Variants in UBE2M observed in about 807,000 individuals in gnomAD.
UBE2M encodes ubiquitin conjugating enzyme E2 M.
In UBE2M, 2 loss-of-function variants were observed where a neutral mutation model predicts 23.5. The ratio of observed to expected loss-of-function variants is 0.09; its 90% CI spans 0.03 to 0.27. The LOEUF (loss-of-function observed/expected upper bound fraction) is 0.27, where lower values mean the gene tolerates loss of function less well. UBE2M is among the 10% of genes least tolerant of loss of function. UBE2M has a pLI of 1.00. For missense variants in UBE2M, 103 were observed against 232.9 expected (o/e 0.44, Z 3.63); for synonymous variants, 97 against 95.2 (o/e 1.02, Z -0.11).
At chr19:58,557,911 G>A (rs1229293367) in intron 1 of UBE2M, among the ~76,000 whole-genome samples, 2 of 151,514 alleles carry the variant, frequency 1.3e-5, no homozygotes, top group African/African-American at 2.4e-5. Context: ...CCAACCCCTG[G>A]CCTCTACTAT....
At position 58,556,899 on chromosome 19, in the gene UBE2M, C is replaced by G. The variant is rs2053894930; in HGVS notation, c.236G>C (p.Ser79Thr). The change falls in exon 3 of 6, where the codon AGT (serine) becomes ACT (threonine). Residue 79 changes from serine to threonine, a missense_variant. Coordinates refer to ENST00000253023, the MANE Select transcript of UBE2M (RefSeq NM_003969.4). This position sits in a 1 kb window ranked among gnomAD's most constrained non-coding sequence, Gnocchi z 4.9. ...TGCCCGCCTGGGACTCACCTTAAAACTGAACACAAACTTCCCACTCTTGTA... is the reference window on the plus strand; with the variant it reads ...TGCCCGCCTGGGACTCACCTTAAAAGTGAACACAAACTTCCCACTCTTGTA... Reference protein sequence around the residue: ...GFYKSGKFVFSFKVGQGYPHD... With the variant: ...GFYKSGKFVFTFKVGQGYPHD... 1 of 1,613,942 alleles carries G rather than the reference C, an allele frequency of 6.2e-7. No individual in the cohort carries two copies. The highest frequency in any genetic ancestry group is 1.7e-5 in the Admixed American group (1 of 59,988).
chr19:58,557,552 C>G (rs1332844076), intron 1 of UBE2M, among the ~76,000 whole-genome samples: 1 of 151,940 alleles, frequency 6.6e-6, no homozygotes, highest in East Asian at 1.9e-4. Flanking sequence ...ACTCAAAGAT[C>G]CTGCCCACCC....
intron 1 of UBE2M, among the ~76,000 whole-genome samples, 161 bp from the exon 2 acceptor site, chr19:58,557,318 G>C (rs1341306636): frequency 1.3e-5 from 2 of 151,836 alleles, no homozygotes; most frequent in African/African-American, 2.4e-5. Flanking sequence ...CACACCTCCA[G>C]CCCTCTCCCT....
Position 58,555,968 on chromosome 19 carries a change from A to G in UBE2M, c.*121T>C. 1 of 1,389,670 alleles carries G rather than the reference A, an allele frequency of 7.2e-7. No homozygotes were observed. The highest frequency in any genetic ancestry group is 9.5e-7 in the Non-Finnish European group (1 of 1,047,750). 86.1% of individuals were successfully genotyped at this position (1,389,670 alleles called of 1,614,324 possible). ...GGGGCACGTGGCAGGAAGGGGAGGC[A>G]AGGCCAAGGCAGGGGATTCCCCCAC... On this transcript the variant is annotated 3_prime_UTR_variant, in exon 6 of 6. Transcript: ENST00000253023.
Position 58,557,129 on chromosome 19 carries a change from C to T in UBE2M, c.138G>A (p.Thr46=), listed in dbSNP as rs767315048. ...KDINELNLPK[T]CDISFSDPDD... ...CTGGATCTGAGAAGCTGATATCACA[C>T]GTCTTGGGCAGGTTCAGCTCGTTTA... The change falls in exon 2 of 6, where the codon ACG becomes ACA. Residue 46 remains threonine (T), a synonymous_variant. Coordinates refer to ENST00000253023, the MANE Select transcript of UBE2M (RefSeq NM_003969.4). 5 of 1,613,944 alleles carry T rather than the reference C, an allele frequency of 3.1e-6. No homozygotes were observed. Among genetic ancestry groups the T allele is most frequent in the South Asian group, 1.1e-5 (1 of 91,076 alleles).
At chr19:58,557,935 G>T (rs1340968644) in intron 1 of UBE2M, among the ~76,000 whole-genome samples, 2 of 151,042 alleles carry the variant, frequency 1.3e-5, no homozygotes, top group Non-Finnish European at 3.0e-5. Context: ...TCTCTTCTCC[G>T]CCTGTCACCC....
chr19:58,556,246 TA>T lies in UBE2M; in HGVS notation c.412-18del. ...GTTGGGCTCCTGTGGCCAGTACAGG[TA>T]GGGGGGGTCAACAGGCCAGAGGGAC... On this transcript the variant is annotated intron_variant, in intron 5 of 5. Transcript: ENST00000253023. This position sits in a 1 kb window ranked among gnomAD's most constrained non-coding sequence, Gnocchi z 4.9. 6.2e-7 allele frequency: 1 copy of T among 1,613,704 alleles called. No individual in the cohort carries two copies.
At chr19:58,557,898 T>A (rs2053902887) in intron 1 of UBE2M, among the ~76,000 whole-genome samples, 2 of 151,418 alleles carry the variant, frequency 1.3e-5, no homozygotes, top group African/African-American at 4.9e-5. Context: ...TCCACTCATA[T>A]CCCCAACCCC....
Position 58,556,806 on chromosome 19 carries a change from G to T in UBE2M, c.244-16C>A. The T allele has an allele frequency of 6.2e-7, 1 of 1,606,700 alleles. No individual in the cohort carries two copies. Among genetic ancestry groups the T allele is most frequent in the Non-Finnish European group, 8.5e-7 (1 of 1,176,618 alleles). On this transcript the variant is annotated splice_polypyrimidine_tract_variant and intron_variant, in intron 3 of 5. Coordinates refer to ENST00000253023, the MANE Select transcript of UBE2M (RefSeq NM_003969.4). The surrounding 1 kb of genome is among the most constrained non-coding windows in gnomAD (Gnocchi z 4.9). ...CCTGGCCCACCTGGCTCCAGGAAAA[G>T]AAAAGAGAGATGGGTAGGTGCCTGG...
intron 1 of UBE2M, among the ~76,000 whole-genome samples, chr19:58,557,457 C>T (rs2053899379): frequency 6.6e-6 from 1 of 151,936 alleles, no homozygotes; most frequent in Non-Finnish European, 1.5e-5. Flanking sequence ...CCAAATGCCC[C>T]CACTCCCAAA....
In UBE2M at chr19:58,557,052, T is replaced by A. The variant is rs373253389; in HGVS notation, c.204+11A>T. 11 of 1,613,984 alleles carry A rather than the reference T, an allele frequency of 6.8e-6. No homozygotes were observed. In the African/African-American group the frequency reaches 1.1e-4, roughly 16 times the overall value. ...GTTTGCTCCTGGGAATTCAGCCATA[T>A]GCACCCTCACCTCATCAGGACAGAT... is the stretch of plus-strand genomic sequence containing the variant. On this transcript the variant is annotated intron_variant, in intron 2 of 5. Coordinates refer to ENST00000253023, the MANE Select transcript of UBE2M (RefSeq NM_003969.4).
At chr19:58,557,386 G>T (rs183000695) in intron 1 of UBE2M, among the ~76,000 whole-genome samples, 1 of 151,978 alleles carries the variant, frequency 6.6e-6, no homozygotes, top group East Asian at 1.9e-4. Context: ...ATGTTCAGCT[G>T]TGTATGCGTG....
chr19:58,556,809 A>G lies in UBE2M; in HGVS notation c.244-19T>C. The G allele has an allele frequency of 1.2e-6, 2 of 1,606,898 alleles. No homozygotes were observed. The highest frequency in any genetic ancestry group is 1.7e-6 in the Non-Finnish European group (2 of 1,176,748). On this transcript the variant is annotated intron_variant, in intron 3 of 5. Coordinates refer to ENST00000253023, the MANE Select transcript of UBE2M (RefSeq NM_003969.4). This position sits in a 1 kb window ranked among gnomAD's most constrained non-coding sequence, Gnocchi z 4.9. ...GGCCCACCTGGCTCCAGGAAAAGAA[A>G]AGAGAGATGGGTAGGTGCCTGGAAG...
rs570594055 is a variant in UBE2M at position 58,558,198 on chromosome 19, C to T, written c.109+75G>A. ...ACCCTCAGCAACCGCATTACCCCTTCCTGACTCCCACATCACCCTGCCTCA... is the reference window on the plus strand; with the variant it reads ...ACCCTCAGCAACCGCATTACCCCTTTCTGACTCCCACATCACCCTGCCTCA... On this transcript the variant is annotated intron_variant, in intron 1 of 5. Transcript: ENST00000253023. The surrounding 1 kb of genome is among the most constrained non-coding windows in gnomAD (Gnocchi z 4.7). 9.8e-6 allele frequency: 13 copies of T among 1,323,922 alleles called. No homozygotes were observed. In the African/African-American group the frequency reaches 1.7e-4, roughly 17 times the overall value. The allele number at this position is 1,323,922 out of a possible 1,614,324, so 82.0% of individuals were successfully genotyped here.
chr19:58,557,283 C>CAGGAG, intron 1 of UBE2M, 126 bp from the exon 2 acceptor site: 1 of 937,046 alleles, frequency 1.1e-6, no homozygotes, highest in Non-Finnish European at 1.7e-6. Context: ...CCTGGACCCC[C>CAGGAG]AGGCGCCTCT....
chr19:58,558,218 G>T lies in UBE2M; in HGVS notation c.109+55C>A. 1 of 1,473,076 alleles carries T rather than the reference G, an allele frequency of 6.8e-7. No homozygotes were observed. Among genetic ancestry groups the T allele is most frequent in the Non-Finnish European group, 9.2e-7 (1 of 1,081,998 alleles). 91.3% of individuals were successfully genotyped at this position (1,473,076 alleles called of 1,614,324 possible). ...CCCTTCCTGACTCCCACATCACCCT[G>T]CCTCAGGCCCTGACCTCCGACCTCC... On this transcript the variant is annotated intron_variant, in intron 1 of 5. Coordinates refer to ENST00000253023, the MANE Select transcript of UBE2M (RefSeq NM_003969.4). This position sits in a 1 kb window ranked among gnomAD's most constrained non-coding sequence, Gnocchi z 4.7.
In UBE2M at chr19:58,556,943, G is replaced by A; in HGVS notation, c.205-13C>T. 6.2e-7 allele frequency: 1 copy of A among 1,614,060 alleles called. No individual in the cohort carries two copies. Among genetic ancestry groups the A allele is most frequent in the Non-Finnish European group, 8.5e-7 (1 of 1,179,984 alleles). On this transcript the variant is annotated splice_polypyrimidine_tract_variant and intron_variant, in intron 2 of 5. Transcript: ENST00000253023. This position sits in a 1 kb window ranked among gnomAD's most constrained non-coding sequence, Gnocchi z 4.9. ...TCTTGTAGAAGCCCTGGGAGGAAAA[G>A]GGGGAGAAGAAAATTTTAGGGTTCC...
Position 58,556,612 on chromosome 19 carries a change from T to A in UBE2M, c.347+75A>T, listed in dbSNP as rs566900688. The A allele has an allele frequency of 1.5e-6, 2 of 1,300,256 alleles. No homozygotes were observed. The highest frequency in any genetic ancestry group is 4.8e-5 in the Admixed American group (2 of 41,982). 80.5% of individuals were successfully genotyped at this position (1,300,256 alleles called of 1,614,324 possible). ...AGGGGTGGGAAGGGACAGAGTCTGA[T>A]GTAGTGCCCACAAGACCATGAGGGA... is the stretch of plus-strand genomic sequence containing the variant. On this transcript the variant is annotated intron_variant, in intron 4 of 5. Transcript: ENST00000253023. This position sits in a 1 kb window ranked among gnomAD's most constrained non-coding sequence, Gnocchi z 4.9.
At position 58,556,028 on chromosome 19, in the gene UBE2M, A is replaced by G. The variant is rs774140506; in HGVS notation, c.*61T>C. On this transcript the variant is annotated 3_prime_UTR_variant, in exon 6 of 6. Transcript: ENST00000253023. This position sits in a 1 kb window ranked among gnomAD's most constrained non-coding sequence, Gnocchi z 4.9. Reference sequence around the variant, plus strand: ...CCCAAACCCCTACCCATGGCCCCCAATAAATATTTGCAGGGGATGCCAGGG... The same window carrying G: ...CCCAAACCCCTACCCATGGCCCCCAGTAAATATTTGCAGGGGATGCCAGGG... The G allele has an allele frequency of 3.9e-5, 62 of 1,572,422 alleles. No individual in the cohort carries two copies. Among genetic ancestry groups the G allele is most frequent in the Non-Finnish European group, 4.2e-5 (48 of 1,152,904 alleles).
Sources: allele counts gnomAD v4.1 joint callset (sites outside exome capture counted in the v4.1 genomes callset), GRCh38; gene constraint gnomAD v4.1.1; non-coding constraint Gnocchi (gnomAD v3.1); transcripts MANE v1.5; gene names NCBI Gene and HGNC (gene_info 2026-07-23, HGNC 2026-07-21).